SH3PXD2A: variants seen among roughly 807,000 people sequenced by gnomAD.
SH3PXD2A encodes the protein SH3 and PX domains 2A.
SH3PXD2A carries 32 observed loss-of-function variants against 115.2 expected under a neutral mutation model. The ratio of observed to expected loss-of-function variants is 0.28; its 90% CI spans 0.21 to 0.37. The LOEUF (loss-of-function observed/expected upper bound fraction) is 0.37, where lower values mean the gene tolerates loss of function less well. Ranked by LOEUF, SH3PXD2A falls within the 10% of genes least tolerant of loss-of-function variation. SH3PXD2A has a pLI of 1.00. For synonymous variants in SH3PXD2A, 610 were observed against 629.1 expected, an observed-to-expected ratio of 0.97 and a Z score of 0.45; for missense variants, 1,328 against 1,498.7, an observed-to-expected ratio of 0.89 and a Z score of 1.88.
Position 103,598,488 on chromosome 10 carries a change from T to C in SH3PXD2A, c.*3328A>G, listed in dbSNP as rs971645973. 1 of 152,706 alleles carries C rather than the reference T, an allele frequency of 6.5e-6. No individual in the cohort carries two copies. Among genetic ancestry groups the C allele is most frequent in the Non-Finnish European group, 1.5e-5 (1 of 68,052 alleles). The allele number at this position is 152,706 out of a possible 1,614,324, so 9.5% of individuals were successfully genotyped here. A position where few individuals can be genotyped will look rare whatever the true frequency, so the allele number is the denominator to read the frequency against. On this transcript the variant is annotated 3_prime_UTR_variant, in exon 15 of 15. Transcript: ENST00000369774. Reference sequence around the variant, plus strand: ...CCAAATGCTGCATCTTCGGGCATTATATGAACCTCAATAATGACCTCAGAA... The same window carrying C: ...CCAAATGCTGCATCTTCGGGCATTACATGAACCTCAATAATGACCTCAGAA...
At chr10:103,611,709 A>G (rs1592261829) in intron 12 of SH3PXD2A, 79 bp from the exon 13 acceptor site, 3 of 1,083,728 alleles carry the variant, frequency 2.8e-6, no homozygotes, top group South Asian at 2.5e-5. Flanking sequence ...CCTAGGTGAA[A>G]CTAACTCCTG....
chr10:103,821,449 G>T (rs915564026), intron 1 of SH3PXD2A, among the ~76,000 whole-genome samples: 1 of 152,072 alleles, frequency 6.6e-6, no homozygotes, highest in South Asian at 2.1e-4. Context: ...TTATTTCCTA[G>T]ATTTCCTGGG....
At chr10:103,851,621 G>T (rs1431796880) in intron 1 of SH3PXD2A, among the ~76,000 whole-genome samples, 2 of 152,198 alleles carry the variant, frequency 1.3e-5, no homozygotes. Flanking sequence ...ATTGCTCCAA[G>T]TTGCAGTTAA....
Position 103,602,868 on chromosome 10 carries a change from G to T in SH3PXD2A, c.2350C>A (p.Pro784Thr). ...AGCCCTCCACGGAGCTGGCCTGTGG[G>T]TCTCAGCTGGCGCCGTAAAGTGCTG... ...DISTLRRQLR[P>T]TGQLRGGLKG... Residue 784 changes from proline (P) to threonine (T), a missense_variant, in exon 15 of 15, where the codon CCC (proline) becomes ACC (threonine). Physicochemically the swap from Pro to Thr is conservative, Grantham distance 38 (BLOSUM62 -1). This residue lies in a region of SH3PXD2A where 574 missense variants were observed against 565.7 expected (regional missense o/e 1.01). Transcript: ENST00000369774. 6.2e-7 allele frequency: 1 copy of T among 1,614,030 alleles called. No individual in the cohort carries two copies. The highest frequency in any genetic ancestry group is 1.1e-5 in the South Asian group (1 of 91,060).
intron 8 of SH3PXD2A, among the ~76,000 whole-genome samples, chr10:103,636,741 CAGCT>C (rs1027455387): frequency 3.9e-5 from 6 of 152,142 alleles, no homozygotes; most frequent in African/African-American, 1.4e-4. Context: ...TAGGACAAAA[CAGCT>C]GGTGGGGGGA....
In SH3PXD2A at chr10:103,595,372, C is replaced by T. The variant is rs2036117967; in HGVS notation, c.*6444G>A. ...TTCTTTCTAATCAACAAAGACAAAA[C>T]TCCAAGCCCCTTTTCAGCCTTCACA... On this transcript the variant is annotated 3_prime_UTR_variant, in exon 15 of 15. Transcript: ENST00000369774. 1 of 152,222 alleles carries T rather than the reference C, an allele frequency of 6.6e-6. No individual in the cohort carries two copies. Among genetic ancestry groups the T allele is most frequent in the Admixed American group, 6.5e-5 (1 of 15,278 alleles). 9.4% of individuals were successfully genotyped at this position (152,222 alleles called of 1,614,324 possible). A position where few individuals can be genotyped will look rare whatever the true frequency, so the allele number is the denominator to read the frequency against.
chr10:103,747,180 C>G (rs2038514202), intron 3 of SH3PXD2A: 1 of 152,680 alleles, frequency 6.5e-6, no homozygotes, highest in Non-Finnish European at 1.5e-5. Context: ...GGCAGACTAG[C>G]AAATACAGCT....
chr10:103,600,146 C>T lies in SH3PXD2A; in HGVS notation c.*1670G>A, dbSNP rs1000444760. On this transcript the variant is annotated 3_prime_UTR_variant, in exon 15 of 15. Coordinates refer to ENST00000369774, the MANE Select transcript of SH3PXD2A (RefSeq NM_001394015.1). ...AGTCCAGGGACCCTGGCAGCTGAAT[C>T]GGTGGCTGTGAGGCCCAATCTGTCC... The T allele has an allele frequency of 2.0e-5, 3 of 152,650 alleles. No homozygotes were observed. Among genetic ancestry groups the T allele is most frequent in the Non-Finnish European group, 2.9e-5 (2 of 68,064 alleles). The allele number at this position is 152,650 out of a possible 1,614,324, so 9.5% of individuals were successfully genotyped here.
chr10:103,668,710 G>A lies in SH3PXD2A; in HGVS notation c.428-58C>T, dbSNP rs532378420. On this transcript the variant is annotated intron_variant, in intron 6 of 14. Transcript: ENST00000369774. ...AGAGGAGAACCAGAGAGAGAGAACG[G>A]TTAGGCAGGCAGGAGGTCCACAGTG... 245 of 1,421,496 alleles carry A rather than the reference G, an allele frequency of 1.7e-4. 2 individuals are homozygous for A. In the East Asian group the frequency reaches 5.8e-3, roughly 34 times the overall value. 88.1% of individuals were successfully genotyped at this position (1,421,496 alleles called of 1,614,324 possible). A position where few individuals can be genotyped will look rare whatever the true frequency, so the allele number is the denominator to read the frequency against.
chr10:103,727,445 G>A (rs1435803897), intron 4 of SH3PXD2A, among the ~76,000 whole-genome samples: 3 of 152,150 alleles, frequency 2.0e-5, no homozygotes, highest in Admixed American at 1.3e-4. Flanking sequence ...CAATGGGGTC[G>A]GGATGGGCAG....
intron 5 of SH3PXD2A, among the ~76,000 whole-genome samples, chr10:103,720,371 C>G (rs534926718): frequency 1.2e-3 from 178 of 152,314 alleles, no homozygotes; most frequent in Middle Eastern, 3.4e-3. Flanking sequence ...ACTAACTGAC[C>G]GGAGATGGGT....
At chr10:103,808,101 C>G (rs1328043841) in intron 1 of SH3PXD2A, among the ~76,000 whole-genome samples, 1 of 152,082 alleles carries the variant, frequency 6.6e-6, no homozygotes, top group African/African-American at 2.4e-5. Context: ...CTAGATGCAG[C>G]CCACCCAGCA....
At chr10:103,700,333 G>A (rs2037877526) in intron 5 of SH3PXD2A, among the ~76,000 whole-genome samples, 1 of 152,256 alleles carries the variant, frequency 6.6e-6, no homozygotes, top group African/African-American at 2.4e-5. Flanking sequence ...ATGGGATAAT[G>A]TGCAAAGCTC....
intron 3 of SH3PXD2A, among the ~76,000 whole-genome samples, chr10:103,759,627 G>T (rs1388172858): frequency 1.3e-5 from 2 of 152,172 alleles, no homozygotes; most frequent in African/African-American, 2.4e-5. Context: ...ACAGTTGTTT[G>T]CTTTTTACAT....
chr10:103,848,694 C>A (rs1215975256), intron 1 of SH3PXD2A, among the ~76,000 whole-genome samples: 1 of 152,110 alleles, frequency 6.6e-6, no homozygotes, highest in Non-Finnish European at 1.5e-5. Context: ...AAATCCTACT[C>A]TTTCCCAGCC....
At chr10:103,840,053 C>T (rs546031522) in intron 1 of SH3PXD2A, among the ~76,000 whole-genome samples, 4 of 152,356 alleles carry the variant, frequency 2.6e-5, no homozygotes, top group African/African-American at 9.6e-5. Flanking sequence ...AAGAGCCCAG[C>T]GCTGCTGACA....
chr10:103,631,886 G>A (rs1329203335), intron 8 of SH3PXD2A, among the ~76,000 whole-genome samples: 1 of 152,120 alleles, frequency 6.6e-6, no homozygotes, highest in Non-Finnish European at 1.5e-5. Flanking sequence ...GGGAGGTCAA[G>A]GTGGGAGGAC....
At chr10:103,742,594 C>T (rs577370347) in intron 3 of SH3PXD2A, among the ~76,000 whole-genome samples, 3 of 152,314 alleles carry the variant, frequency 2.0e-5, no homozygotes, top group South Asian at 4.1e-4. Flanking sequence ...ACAGGGCATA[C>T]CAGTCACCTG....
At chr10:103,733,801 G>A (rs539679139) in intron 4 of SH3PXD2A, among the ~76,000 whole-genome samples, 157 of 152,068 alleles carry the variant, frequency 1.0e-3, no homozygotes, top group Non-Finnish European at 1.7e-3. Context: ...GGACAGGATC[G>A]TTCCCTGTTA....
Sources: allele counts gnomAD v4.1 joint callset (sites outside exome capture counted in the v4.1 genomes callset), GRCh38; gene constraint gnomAD v4.1.1; regional missense constraint gnomAD v4.1.1; transcripts MANE v1.5; gene names NCBI Gene and HGNC (gene_info 2026-07-23, HGNC 2026-07-21).